Variants in TSACC observed in about 807,000 individuals in gnomAD.
TSACC encodes the protein TSSK6-activating co-chaperone protein.
A neutral mutation model predicts 6.9 loss-of-function variants in TSACC; 3 were observed. That is an observed-to-expected ratio of 0.43 (90% CI 0.20 to 1.12). TSACC has a LOEUF of 1.12. Among genes scored for constraint, TSACC ranks in the 50% most tolerant of loss-of-function variants. The pLI is 0.28. For missense variants in TSACC, 137 were observed against 143.9 expected, an observed-to-expected ratio of 0.95 and a Z score of 0.24; for synonymous variants, 54 against 55.1, an observed-to-expected ratio of 0.98 and a Z score of 0.09.
chr1:156,346,038 A>G (rs961700713), intron 3 of TSACC, among the ~76,000 whole-genome samples: 1 of 151,726 alleles, frequency 6.6e-6, no homozygotes, highest in African/African-American at 2.4e-5. Context: ...TACTAATGAT[A>G]CAAAACTTAG....
chr1:156,346,639 G>T, intron 3 of TSACC, 129 bp from the exon 4 acceptor site: 1 of 823,610 alleles, frequency 1.2e-6, no homozygotes, highest in East Asian at 2.4e-5. Flanking sequence ...CTGGGCAAAG[G>T]TATGTCTGGG....
At chr1:156,341,873 C>T (rs548515037) in intron 2 of TSACC, among the ~76,000 whole-genome samples, 1 of 152,050 alleles carries the variant, frequency 6.6e-6, no homozygotes, top group Non-Finnish European at 1.5e-5. Context: ...ACCATCCTGA[C>T]TAACACGGTG....
upstream of TSACC, chr1:156,338,492 G>A: frequency 5.7e-6 from 3 of 523,846 alleles, no homozygotes; most frequent in Non-Finnish European, 1.0e-5. Context: ...GCCGCGTGCA[G>A]CGCGAACGTC....
At chr1:156,346,587 TTAAAA>T (rs1369867178) in intron 3 of TSACC, among the ~76,000 whole-genome samples, 176 bp from the exon 4 acceptor site, 1 of 152,140 alleles carries the variant, frequency 6.6e-6, no homozygotes, top group African/African-American at 2.4e-5. Context: ...TGATTTCAAA[TTAAAA>T]TAGGATAGCC....
intron 3 of TSACC, among the ~76,000 whole-genome samples, chr1:156,346,219 A>C (rs1281418791): frequency 6.6e-6 from 1 of 151,382 alleles, no homozygotes; most frequent in Non-Finnish European, 1.5e-5. Flanking sequence ...AAAGAAAAAG[A>C]AAAAAAACAA....
At chr1:156,338,161 G>C (rs1038148775), upstream of TSACC, 4 of 1,588,396 alleles carry the variant, frequency 2.5e-6, no homozygotes, top group Middle Eastern at 1.7e-4. Flanking sequence ...CACTGAGCAC[G>C]AGCACTGGAC....
intron 2 of TSACC, among the ~76,000 whole-genome samples, chr1:156,343,685 A>T (rs965278649): frequency 6.6e-6 from 1 of 152,008 alleles, no homozygotes; most frequent in Non-Finnish European, 1.5e-5. Context: ...TGTTAGGGAG[A>T]GGGGCTTGAT....
intron 3 of TSACC, among the ~76,000 whole-genome samples, chr1:156,345,536 C>G (rs1570962198): frequency 6.6e-6 from 1 of 150,848 alleles, no homozygotes; most frequent in East Asian, 2.0e-4. Context: ...GCACTCCAGC[C>G]TGGGCAACAA....
At chr1:156,344,877 C>T (rs1045648030) in intron 3 of TSACC, among the ~76,000 whole-genome samples, 169 bp downstream of exon 3, 3 of 152,224 alleles carry the variant, frequency 2.0e-5, no homozygotes, top group African/African-American at 4.8e-5. Context: ...TCATTATCAT[C>T]CCAGTTCTAC....
chr1:156,338,821 G>C (rs1318262928), intron 1 of TSACC: 1 of 153,936 alleles, frequency 6.5e-6, no homozygotes, highest in Admixed American at 6.5e-5. Context: ...GCCTTTTTCC[G>C]GGCACACTGG....
intron 2 of TSACC, among the ~76,000 whole-genome samples, chr1:156,340,047 C>T (rs1451491668): frequency 2.0e-5 from 3 of 152,248 alleles, no homozygotes. Context: ...TGTAGTGGGA[C>T]AGCCCCATTG....
upstream of TSACC, chr1:156,337,887 A>G: frequency 9.4e-6 from 5 of 529,238 alleles, no homozygotes. Flanking sequence ...GGGCTGAGGG[A>G]CAGAACGCGG....
intron 2 of TSACC, among the ~76,000 whole-genome samples, chr1:156,341,935 A>G (rs917899276): frequency 6.6e-5 from 10 of 151,870 alleles, no homozygotes; most frequent in Middle Eastern, 3.4e-3. Context: ...TGTAGTGGGC[A>G]CCTGTAGTCC....
chr1:156,345,195 A>G (rs977587396), intron 3 of TSACC, among the ~76,000 whole-genome samples: 1 of 152,266 alleles, frequency 6.6e-6, no homozygotes, highest in Non-Finnish European at 1.5e-5. Flanking sequence ...TCAGAGTCCA[A>G]CAAAGAAGTC....
upstream of TSACC, chr1:156,338,507 C>T (rs1390152718): frequency 6.4e-5 from 33 of 513,076 alleles, no homozygotes; most frequent in Non-Finnish European, 6.7e-5. Context: ...AACGTCGGCG[C>T]AGGCGCCAAG....
intron 2 of TSACC, among the ~76,000 whole-genome samples, chr1:156,340,377 T>A (rs1253154391): frequency 6.6e-6 from 1 of 152,100 alleles, no homozygotes; most frequent in Non-Finnish European, 1.5e-5. Flanking sequence ...GCCAGGATGG[T>A]CTTAATCTCC....
chr1:156,343,250 TC>T (rs1168801304), intron 2 of TSACC, among the ~76,000 whole-genome samples: 1 of 152,220 alleles, frequency 6.6e-6, no homozygotes, highest in Non-Finnish European at 1.5e-5. Context: ...TACTCAAACT[TC>T]TTTAAGTAAA....
chr1:156,344,663 C>T lies in TSACC; in HGVS notation c.118C>T (p.Pro40Ser). The stretch of plus-strand genomic sequence containing the variant: ...CTATATTAATCTTCAAGCAAGTTCC[C>T]CACCAGCCACTTTTCTGAACATCCA... ...PSYINLQASS[P>S]PATFLNIQTT... Residue 40 changes from proline to serine, a missense_variant, in exon 3 of 4, where the codon CCA (proline) becomes TCA (serine). Physicochemically the swap from Pro to Ser is moderately conservative, Grantham distance 74. Transcript: ENST00000368254. 1.2e-6 allele frequency: 2 copies of T among 1,614,052 alleles called. No homozygotes were observed. The highest frequency in any genetic ancestry group is 8.5e-7 in the Non-Finnish European group (1 of 1,179,986).
At chr1:156,341,453 C>CT (rs1268476916) in intron 2 of TSACC, among the ~76,000 whole-genome samples, 1 of 152,182 alleles carries the variant, frequency 6.6e-6, no homozygotes, top group Non-Finnish European at 1.5e-5. Flanking sequence ...CACTGCAAGA[C>CT]TATCAGTTCC....
Sources: gnomAD v4.1 joint callset for allele counts (sites outside exome capture counted in the v4.1 genomes callset) on GRCh38, gnomAD v4.1.1 for gene constraint, MANE v1.5 for transcripts, NCBI Gene and HGNC (gene_info 2026-07-23, HGNC 2026-07-21) for gene names.